Variants in DEPDC7 observed in about 807,000 individuals in gnomAD.
DEPDC7 encodes the protein DEP domain-containing protein 7.
A neutral mutation model predicts 56.6 loss-of-function variants in DEPDC7; 41 were observed. The observed-to-expected ratio is 0.72, with a 90% CI of 0.56 to 0.94. The LOEUF is 0.94. DEPDC7 is among the 40% of genes least tolerant of loss of function. The pLI is 0.00. For missense variants in DEPDC7, 522 were observed against 596.3 expected (o/e 0.88, Z 1.30); for synonymous variants, 185 against 208.8 (o/e 0.89, Z 0.98).
chr11:33,020,324 G>GT (rs1262103664), intron 1 of DEPDC7, among the ~76,000 whole-genome samples: 1 of 152,072 alleles, frequency 6.6e-6, no homozygotes, highest in Non-Finnish European at 1.5e-5. Context: ...TTTGGTAAAC[G>GT]TTTTTTATGG....
At chr11:33,024,411 A>G (rs559953848) in intron 1 of DEPDC7, among the ~76,000 whole-genome samples, 3 of 152,322 alleles carry the variant, frequency 2.0e-5, no homozygotes, top group Admixed American at 1.3e-4. Flanking sequence ...TTATTCCTGC[A>G]ATGATTGTGT....
rs776786973 is a variant in DEPDC7, at chr11:33,031,376, A to G, written c.783-2A>G. ...TAAATAATCTTCCCCTCTCCCCTAT[A>G]GGGAAGATGAGTGGCTCTCGGCAGC... On this transcript the variant is annotated splice_acceptor_variant, in intron 4 of 8. Transcript: ENST00000241051. LOFTEE classifies it high-confidence loss of function. The G allele has an allele frequency of 1.9e-6, 3 of 1,611,010 alleles. No individual in the cohort carries two copies. In the East Asian group the frequency reaches 6.7e-5, roughly 36 times the overall value.
chr11:33,025,035 C>T (rs1853563124), intron 1 of DEPDC7, among the ~76,000 whole-genome samples: 1 of 152,108 alleles, frequency 6.6e-6, no homozygotes, highest in South Asian at 2.1e-4. Flanking sequence ...AATCCTTATA[C>T]ATAACTGGTA....
intron 1 of DEPDC7, among the ~76,000 whole-genome samples, chr11:33,019,614 C>T (rs778942144): frequency 4.0e-5 from 6 of 150,992 alleles, no homozygotes; most frequent in Non-Finnish European, 7.4e-5. Flanking sequence ...TGCAGTGAGC[C>T]GAGATCACAC....
chr11:33,029,537 A>G (rs1181087657), intron 4 of DEPDC7, among the ~76,000 whole-genome samples: 1 of 150,726 alleles, frequency 6.6e-6, no homozygotes, highest in Non-Finnish European at 1.5e-5. Flanking sequence ...CATTCCAGTT[A>G]CTCCTCTCTT....
intron 3 of DEPDC7, chr11:33,028,094 A>T (rs1460895278): frequency 3.8e-6 from 1 of 262,390 alleles, no homozygotes; most frequent in Non-Finnish European, 7.0e-6. Flanking sequence ...ATGCTCTCCG[A>T]TGTTTCTTTT....
At chr11:33,027,287 T>G (rs10742290) in intron 2 of DEPDC7, among the ~76,000 whole-genome samples, 56,178 of 151,964 alleles carry the variant, frequency 0.37, 10,514 homozygotes, top group Middle Eastern at 0.43. Context: ...CCTTTGATTT[T>G]CAAAGCTTTT....
At chr11:33,026,795 T>C (rs2133663603) in intron 2 of DEPDC7, 1 of 143,452 alleles carries the variant, frequency 7.0e-6, no homozygotes, top group African/African-American at 2.6e-5. Context: ...TTTCTTTTCT[T>C]TTTTTTCCTG....
Position 33,025,916 on chromosome 11 carries a change from G to C in DEPDC7, c.331G>C (p.Val111Leu). The C allele has an allele frequency of 6.8e-6, 11 of 1,614,166 alleles. No homozygotes were observed. The highest frequency in any genetic ancestry group is 9.3e-6 in the Non-Finnish European group (11 of 1,180,024). The change falls in exon 2 of 9, where the codon GTT becomes CTT. Residue 111 changes from valine to leucine, a missense_variant. By Grantham distance (32) the Val-to-Leu change is conservative (BLOSUM62 1). Transcript: ENST00000241051. Reference sequence around the variant, plus strand: ...TATGGACTACAAAGTATTTGAAGCAGTTCCAACCAAAGTCTTTGGAAAAGA... The same window carrying C: ...TATGGACTACAAAGTATTTGAAGCACTTCCAACCAAAGTCTTTGGAAAAGA... ...ALMDYKVFEA[V>L]PTKVFGKDKK...
chr11:33,019,253 C>T (rs1339276197), intron 1 of DEPDC7, among the ~76,000 whole-genome samples: 1 of 152,192 alleles, frequency 6.6e-6, no homozygotes, highest in Non-Finnish European at 1.5e-5. Flanking sequence ...TAGCATCCCT[C>T]TACCCACTGG....
At chr11:33,016,293 A>T (rs1202807561) in intron 1 of DEPDC7, 1 of 1,398,000 alleles carries the variant, frequency 7.2e-7, no homozygotes, top group East Asian at 2.6e-5. Context: ...TCTCAACTTG[A>T]CCGCGCGTTG....
At chr11:33,024,449 TATACAATC>T (rs1316814029) in intron 1 of DEPDC7, among the ~76,000 whole-genome samples, 4 of 152,166 alleles carry the variant, frequency 2.6e-5, no homozygotes, top group Non-Finnish European at 4.4e-5. Flanking sequence ...TGTGTGTGTG[TATACAATC>T]ATGCGTAGTG....
At chr11:33,029,417 G>T (rs974725911) in intron 4 of DEPDC7, among the ~76,000 whole-genome samples, 2 of 149,196 alleles carry the variant, frequency 1.3e-5, no homozygotes, top group Admixed American at 6.8e-5. Context: ...ACTTGAACTT[G>T]GGAGGCAGAG....
chr11:33,021,461 C>A (rs1686733081), intron 1 of DEPDC7, among the ~76,000 whole-genome samples: 1 of 152,150 alleles, frequency 6.6e-6, no homozygotes, highest in Non-Finnish European at 1.5e-5. Flanking sequence ...AGTAAGTCAT[C>A]TTACTGGGCC....
At chr11:33,018,524 G>T (rs536224203) in intron 1 of DEPDC7, among the ~76,000 whole-genome samples, 1 of 152,248 alleles carries the variant, frequency 6.6e-6, no homozygotes, top group African/African-American at 2.4e-5. Context: ...GCCTTTATGT[G>T]ATTGAATACT....
intron 6 of DEPDC7, 67 bp from the exon 7 acceptor site, chr11:33,032,601 A>G (rs1275933711): frequency 7.4e-7 from 1 of 1,354,096 alleles, no homozygotes; most frequent in East Asian, 2.5e-5. Context: ...AATATTTAAT[A>G]TTCCCTTTTA....
chr11:33,019,987 C>T (rs1226008650), intron 1 of DEPDC7, among the ~76,000 whole-genome samples: 1 of 149,838 alleles, frequency 6.7e-6, no homozygotes, highest in East Asian at 2.0e-4. Flanking sequence ...GTATGTTTAC[C>T]TTACATTGGG....
At position 33,033,312 on chromosome 11, in the gene DEPDC7, G is replaced by C. The variant is rs1223450810; in HGVS notation, c.1393G>C (p.Glu465Gln). The C allele has an allele frequency of 6.2e-7, 1 of 1,607,792 alleles. No individual in the cohort carries two copies. Among genetic ancestry groups the C allele is most frequent in the South Asian group, 1.1e-5 (1 of 89,748 alleles). ...IDQRDYSNNT[E>Q]KTTKDELLNL... ...TCAACGTGACTATTCCAACAATACAGAGAAGACAACCAAAGATGAGCTGTT... is the reference window on the plus strand; with the variant it reads ...TCAACGTGACTATTCCAACAATACACAGAAGACAACCAAAGATGAGCTGTT... Residue 465 changes from glutamate to glutamine, a missense_variant, in exon 9 of 9, where the codon GAG becomes CAG. Coordinates refer to ENST00000241051, the MANE Select transcript of DEPDC7 (RefSeq NM_001077242.2).
Position 33,015,999 on chromosome 11 carries a change from C to T in DEPDC7, c.44C>T (p.Ala15Val), listed in dbSNP as rs1249493240. 6 of 1,568,896 alleles carry T rather than the reference C, an allele frequency of 3.8e-6. No homozygotes were observed. The Admixed American group carries it at 1.1e-4, about 29-fold the overall frequency. Residue 15 changes from alanine to valine, a missense_variant, in exon 1 of 9, where the codon GCT becomes GTT. Physicochemically the swap from Ala to Val is moderately conservative, Grantham distance 64. Coordinates refer to ENST00000241051, the MANE Select transcript of DEPDC7 (RefSeq NM_001077242.2). ...QEKAAALNLSALHSPAHRPPG... is the reference protein window; with the variant it reads ...QEKAAALNLSVLHSPAHRPPG... Reference sequence around the variant, plus strand: ...AAGGCTGCTGCGCTGAACCTCTCGGCTCTCCACAGCCCCGCGCACAGGCCT... The same window carrying T: ...AAGGCTGCTGCGCTGAACCTCTCGGTTCTCCACAGCCCCGCGCACAGGCCT...
Sources: gnomAD v4.1 joint callset for allele counts (sites outside exome capture counted in the v4.1 genomes callset) on GRCh38, gnomAD v4.1.1 for gene constraint, MANE v1.5 for transcripts, NCBI Gene and HGNC (gene_info 2026-07-23, HGNC 2026-07-21) for gene names.